Variants in RABGAP1L observed in about 807,000 individuals in gnomAD.
The protein encoded by RABGAP1L is rab GTPase-activating protein 1-like.
RABGAP1L carries 63 observed loss-of-function variants against 137.7 expected under a neutral mutation model. The observed-to-expected ratio is 0.46, with a 90% CI of 0.37 to 0.56. The LOEUF is 0.56. Among genes scored for constraint, RABGAP1L ranks in the 20% least tolerant of loss-of-function variants. RABGAP1L has a pLI of 0.00. For missense variants in RABGAP1L, 1,095 were observed against 1,244.0 expected (o/e 0.88, Z 1.80); for synonymous variants, 431 against 433.7 (o/e 0.99, Z 0.08).
intron 19 of RABGAP1L, among the ~76,000 whole-genome samples, chr1:174,920,421 C>T (rs974522190): frequency 2.0e-4 from 31 of 152,186 alleles, no homozygotes; most frequent in African/African-American, 7.2e-4. Context: ...GAAAGATTCA[C>T]CTCCATAATT....
At chr1:174,854,760 TGA>T (rs1649002862) in intron 19 of RABGAP1L, among the ~76,000 whole-genome samples, 1 of 105,250 alleles carries the variant, frequency 9.5e-6, no homozygotes, top group South Asian at 3.7e-4. Flanking sequence ...TTTTTTTTTT[TGA>T]GACGTTGTCT....
intron 13 of RABGAP1L, among the ~76,000 whole-genome samples, chr1:174,510,033 C>G (rs1351936852): frequency 6.6e-6 from 1 of 152,136 alleles, no homozygotes; most frequent in Non-Finnish European, 1.5e-5. Context: ...TCCATTCTAC[C>G]CACAGTTCAT....
intron 11 of RABGAP1L, among the ~76,000 whole-genome samples, chr1:174,326,794 A>G (rs1680473963): frequency 6.6e-6 from 1 of 152,224 alleles, no homozygotes; most frequent in Non-Finnish European, 1.5e-5. Context: ...GTGGATATTG[A>G]AAGCAGAAAG....
At chr1:174,167,400 T>G (rs191037496) in intron 1 of RABGAP1L, among the ~76,000 whole-genome samples, 1 of 152,326 alleles carries the variant, frequency 6.6e-6, no homozygotes, top group Non-Finnish European at 1.5e-5. Context: ...TGTGTAGACA[T>G]ACATACATAT....
rs1553295749 is a variant in RABGAP1L at position 174,962,200 on chromosome 1, C to CCCG, written c.2433+4653_2433+4654insGCC. 7.1e-5 allele frequency among the ~76,000 whole-genome samples: 9 copies of CCCG among 125,948 alleles called. 2 individuals are homozygous for CCCG. Among genetic ancestry groups the CCCG allele is most frequent in the African/African-American group, 2.9e-4 (9 of 31,308 alleles). The allele number at this position is 125,948 out of a possible 152,430, so 82.6% of individuals were successfully genotyped here. A position where few individuals can be genotyped will look rare whatever the true frequency, so the allele number is the denominator to read the frequency against. Reference sequence around the variant, plus strand: ...AAAAAATAAAAATAAAAATACACCCCCCCCCCACACACACACACAGCTAGT... The same window carrying CCCG: ...AAAAAATAAAAATAAAAATACACCCCCCGCCCCCCACACACACACACAGCTAGT... On this transcript the variant is annotated intron_variant, in intron 20 of 25. Transcript: ENST00000681986.
rs778288358 is a variant in RABGAP1L at position 174,741,701 on chromosome 1, G to T, written c.2170-10612G>T. ...TTGTTGGCTTTGTTGAAGATCAGTT[G>T]GCTGTAACTATGTGTCTTTATTTCT... On this transcript the variant is annotated intron_variant, in intron 17 of 25. Coordinates refer to ENST00000681986, the MANE Select transcript of RABGAP1L (RefSeq NM_001366446.1). Among the ~76,000 whole-genome samples the T allele has an allele frequency of 5.9e-4, 89 of 151,626 alleles. 1 individual carries two copies. The highest frequency in any genetic ancestry group is 2.4e-4 in the Non-Finnish European group (16 of 67,920).
chr1:174,950,016 A>G (rs1009906429), intron 19 of RABGAP1L, among the ~76,000 whole-genome samples: 2 of 152,356 alleles, frequency 1.3e-5, no homozygotes, highest in South Asian at 2.1e-4. Flanking sequence ...GGCTCATGTC[A>G]TATAAGTATT....
At chr1:174,843,441 T>C (rs1292500419) in intron 19 of RABGAP1L, among the ~76,000 whole-genome samples, 5 of 150,158 alleles carry the variant, frequency 3.3e-5, no homozygotes, top group African/African-American at 1.2e-4. Flanking sequence ...TGTGATCTCA[T>C]TGTTCAATTC....
chr1:174,308,393 C>T (rs572879900), intron 11 of RABGAP1L, among the ~76,000 whole-genome samples: 1 of 152,038 alleles, frequency 6.6e-6, no homozygotes, highest in East Asian at 1.9e-4. Context: ...GATGTAATCC[C>T]ATTTATCTAT....
intron 13 of RABGAP1L, among the ~76,000 whole-genome samples, chr1:174,588,363 T>C (rs1175911696): frequency 6.6e-6 from 1 of 151,212 alleles, no homozygotes; most frequent in Non-Finnish European, 1.5e-5. Context: ...GGGGGTTTCA[T>C]CATGTTGGCC....
At chr1:174,278,841 T>C in intron 10 of RABGAP1L, 62 bp downstream of exon 10, 2 of 1,273,384 alleles carry the variant, frequency 1.6e-6, no homozygotes, top group South Asian at 4.3e-5. Flanking sequence ...CACTTCTTTT[T>C]TAATGCCAAG....
At chr1:174,942,443 AC>A (rs1231415782) in intron 19 of RABGAP1L, among the ~76,000 whole-genome samples, 1 of 152,168 alleles carries the variant, frequency 6.6e-6, no homozygotes, top group Non-Finnish European at 1.5e-5. Context: ...GCAAAATAAA[AC>A]ATTTAATGTT....
intron 19 of RABGAP1L, among the ~76,000 whole-genome samples, chr1:174,928,469 A>G (rs545645602): frequency 6.6e-6 from 1 of 151,938 alleles, no homozygotes; most frequent in Non-Finnish European, 1.5e-5. Flanking sequence ...ATAATGATGA[A>G]TAAACAAAAG....
At chr1:174,722,679 G>GA (rs1258031718) in intron 17 of RABGAP1L, among the ~76,000 whole-genome samples, 3 of 151,992 alleles carry the variant, frequency 2.0e-5, no homozygotes, top group African/African-American at 7.2e-5. Flanking sequence ...GTGAGCTCCT[G>GA]ACCTCAGGTG....
chr1:174,686,320 T>TA (rs1678454108), intron 15 of RABGAP1L, among the ~76,000 whole-genome samples: 1 of 152,214 alleles, frequency 6.6e-6, no homozygotes, highest in Admixed American at 6.5e-5. Context: ...TTCCCTCTGT[T>TA]ACATTATTAT....
chr1:174,619,822 C>G (rs1270426033), intron 13 of RABGAP1L, among the ~76,000 whole-genome samples: 1 of 152,146 alleles, frequency 6.6e-6, no homozygotes. Context: ...AATAAATGCT[C>G]CAATTAAAAG....
intron 13 of RABGAP1L, among the ~76,000 whole-genome samples, chr1:174,586,724 A>G (rs977663244): frequency 1.3e-5 from 2 of 151,964 alleles, no homozygotes; most frequent in Non-Finnish European, 2.9e-5. Flanking sequence ...CAGCCTCCCA[A>G]GTAGCTGGTA....
At chr1:174,734,799 T>G (rs1036971307) in intron 17 of RABGAP1L, among the ~76,000 whole-genome samples, 1 of 152,260 alleles carries the variant, frequency 6.6e-6, no homozygotes, top group East Asian at 1.9e-4. Flanking sequence ...ATAGAATTAT[T>G]TAAAATACAA....
rs141497466 is a variant in RABGAP1L, at chr1:174,171,559, C to T, written c.-34+11902C>T. Among the ~76,000 whole-genome samples the T allele has an allele frequency of 2.0e-4, 30 of 152,114 alleles. No individual in the cohort carries two copies. In the East Asian group the frequency reaches 2.1e-3, roughly 11 times the overall value. On this transcript the variant is annotated intron_variant, in intron 1 of 25. Coordinates refer to ENST00000681986, the MANE Select transcript of RABGAP1L (RefSeq NM_001366446.1). ...ACAATATGAATAATTATAGACTTCG[C>T]GCTATACATTAGCTCTCTAGACTTA...
Sources: allele counts gnomAD v4.1 joint callset (sites outside exome capture counted in the v4.1 genomes callset), GRCh38; gene constraint gnomAD v4.1.1; transcripts MANE v1.5; gene names NCBI Gene and HGNC (gene_info 2026-07-23, HGNC 2026-07-21).